SUGCT: variants seen among roughly 807,000 people sequenced by gnomAD.
SUGCT encodes the protein succinyl-CoA:glutarate-CoA transferase.
A neutral mutation model predicts 55.0 loss-of-function variants in SUGCT; 41 were observed. The ratio of observed to expected loss-of-function variants is 0.74; its 90% CI spans 0.58 to 0.97. The LOEUF (loss-of-function observed/expected upper bound fraction) is 0.97. Ranked by LOEUF, SUGCT falls within the 50% of genes least tolerant of loss-of-function variation. SUGCT has a pLI of 0.00. For missense variants in SUGCT, 568 were observed against 547.8 expected (o/e 1.04, Z -0.37); for synonymous variants, 187 against 200.4 (o/e 0.93, Z 0.56).
the SUGCT span, among the ~76,000 whole-genome samples, chr7:40,977,915 G>C: frequency 6.6e-6 from 1 of 152,142 alleles, no homozygotes; most frequent in Non-Finnish European, 1.5e-5. Context: ...TCCAAAGCCT[G>C]CCTCTGTAGC....
At chr7:40,194,900 G>A in intron 5 of SUGCT, 40 bp from the exon 6 acceptor site, 1 of 1,591,828 alleles carries the variant, frequency 6.3e-7, no homozygotes. Context: ...GTGGGGATTT[G>A]TTGAGTGGAA....
chr7:40,449,077 C>A, intron 9 of SUGCT, among the ~76,000 whole-genome samples: 1 of 151,712 alleles, frequency 6.6e-6, no homozygotes, highest in East Asian at 1.9e-4. Flanking sequence ...TGGCTATTGA[C>A]TGTTTGACAT....
intron 13 of SUGCT, among the ~76,000 whole-genome samples, chr7:40,767,179 C>T (rs1161754579): frequency 6.6e-6 from 1 of 152,130 alleles, no homozygotes; most frequent in Non-Finnish European, 1.5e-5. Flanking sequence ...AGTTGGCTTA[C>T]AGGAATTGAC....
intron 12 of SUGCT, among the ~76,000 whole-genome samples, chr7:40,746,877 G>C (rs1468404491): frequency 6.6e-6 from 1 of 152,218 alleles, no homozygotes; most frequent in Non-Finnish European, 1.5e-5. Context: ...TAGCACTGCA[G>C]TGTTATTACA....
chr7:40,898,625 G>A, the SUGCT span, among the ~76,000 whole-genome samples: 1 of 152,026 alleles, frequency 6.6e-6, no homozygotes, highest in African/African-American at 2.4e-5. Context: ...GGGGGAAGCT[G>A]AGGTAGGAGA....
chr7:41,009,690 A>AC, the SUGCT span, among the ~76,000 whole-genome samples: 1 of 151,778 alleles, frequency 6.6e-6, no homozygotes, highest in East Asian at 1.9e-4. Context: ...CCTTCCATCC[A>AC]CTATCCATCC....
the SUGCT span, among the ~76,000 whole-genome samples, chr7:41,024,965 C>G: frequency 6.6e-6 from 1 of 152,182 alleles, no homozygotes; most frequent in African/African-American, 2.4e-5. Flanking sequence ...TAGGAGCTTA[C>G]TAAATAGCAG....
chr7:40,317,987 G>A (rs1020453031), intron 9 of SUGCT, among the ~76,000 whole-genome samples: 1 of 152,070 alleles, frequency 6.6e-6, no homozygotes, highest in Non-Finnish European at 1.5e-5. Flanking sequence ...TGCACCATTC[G>A]TTTTATGACC....
the SUGCT span, among the ~76,000 whole-genome samples, chr7:40,918,878 T>C: frequency 6.6e-6 from 1 of 152,236 alleles, no homozygotes; most frequent in Admixed American, 6.5e-5. Flanking sequence ...CACTGTTTTA[T>C]ACAAATATGC....
At chr7:40,398,970 A>T (rs555318513) in intron 9 of SUGCT, among the ~76,000 whole-genome samples, 4 of 152,278 alleles carry the variant, frequency 2.6e-5, no homozygotes, top group African/African-American at 9.6e-5. Context: ...TAAAATCAAC[A>T]TGTTTTATAA....
At chr7:40,658,622 G>T (rs918596740) in intron 12 of SUGCT, among the ~76,000 whole-genome samples, 2 of 152,148 alleles carry the variant, frequency 1.3e-5, no homozygotes, top group African/African-American at 4.8e-5. Flanking sequence ...ATCTAGTTCT[G>T]TCTGATGCTA....
intron 12 of SUGCT, among the ~76,000 whole-genome samples, chr7:40,720,147 C>T (rs144629610): frequency 6.6e-6 from 1 of 152,142 alleles, no homozygotes; most frequent in Admixed American, 6.5e-5. Context: ...CACTGCCAGA[C>T]CTTGGGTAAG....
At chr7:40,500,820 C>T (rs985714834) in intron 12 of SUGCT, among the ~76,000 whole-genome samples, 2 of 151,808 alleles carry the variant, frequency 1.3e-5, no homozygotes, top group African/African-American at 4.8e-5. Flanking sequence ...CAGAAGCACC[C>T]CCAAAATACA....
the SUGCT span, among the ~76,000 whole-genome samples, chr7:40,905,573 A>T: frequency 6.6e-6 from 1 of 152,162 alleles, no homozygotes; most frequent in East Asian, 1.9e-4. Context: ...CAAATTTCAC[A>T]GTGGCCAAAT....
At chr7:40,639,220 G>A (rs1159374214) in intron 12 of SUGCT, among the ~76,000 whole-genome samples, 5 of 151,968 alleles carry the variant, frequency 3.3e-5, no homozygotes, top group Admixed American at 6.6e-5. Flanking sequence ...TCTGTCTCCC[G>A]GGCTAGATCG....
intron 11 of SUGCT, among the ~76,000 whole-genome samples, chr7:40,476,896 A>G (rs1355629907): frequency 6.6e-6 from 1 of 151,952 alleles, no homozygotes. Context: ...TCTCAGGTTC[A>G]AGTGATTCTC....
At chr7:40,222,882 C>T (rs1346475601) in intron 6 of SUGCT, among the ~76,000 whole-genome samples, 1 of 152,124 alleles carries the variant, frequency 6.6e-6, no homozygotes, top group East Asian at 1.9e-4. Context: ...CCTGCCTAAG[C>T]CTCCCTAAGT....
chr7:40,928,496 T>A, the SUGCT span, among the ~76,000 whole-genome samples: 3 of 152,188 alleles, frequency 2.0e-5, no homozygotes, highest in African/African-American at 4.8e-5. Context: ...ATAATATTTT[T>A]AAATGATTAT....
intron 7 of SUGCT, among the ~76,000 whole-genome samples, chr7:40,246,879 G>T (rs531301820): frequency 6.6e-6 from 1 of 152,046 alleles, no homozygotes; most frequent in Non-Finnish European, 1.5e-5. Flanking sequence ...GATTACAGAC[G>T]TGAGCCACCA....
Sources: allele counts gnomAD v4.1 joint callset (sites outside exome capture counted in the v4.1 genomes callset), GRCh38; gene constraint gnomAD v4.1.1; transcripts MANE v1.5; gene names NCBI Gene and HGNC (gene_info 2026-07-23, HGNC 2026-07-21).